SORCS2: variants seen among roughly 807,000 people sequenced by gnomAD.
The protein encoded by SORCS2 is VPS10 domain-containing receptor SorCS2.
In SORCS2, 100 loss-of-function variants were observed where a neutral mutation model predicts 141.6. The ratio of observed to expected loss-of-function variants is 0.71; its 90% CI spans 0.60 to 0.83. The LOEUF is 0.83. Among genes scored for constraint, SORCS2 ranks in the 40% least tolerant of loss-of-function variants. SORCS2 has a pLI of 0.00. For missense variants in SORCS2, 1,646 were observed against 1,560.2 expected (o/e 1.05, Z -0.93); for synonymous variants, 789 against 676.9 (o/e 1.17, Z -2.57).
chr4:7,699,287 C>G (rs982037198), intron 12 of SORCS2, among the ~76,000 whole-genome samples: 1 of 152,128 alleles, frequency 6.6e-6, no homozygotes, highest in African/African-American at 2.4e-5. Flanking sequence ...GTTTGGAAAA[C>G]CCTGGAGCCA....
At chr4:7,276,971 T>C (rs28454024) in intron 1 of SORCS2, among the ~76,000 whole-genome samples, 51,460 of 152,064 alleles carry the variant, frequency 0.34, 9,306 homozygotes, top group Non-Finnish European at 0.4. Flanking sequence ...TGGGCCGTTC[T>C]GTCCACACTA....
At chr4:7,239,049 A>C (rs7660256) in intron 1 of SORCS2, among the ~76,000 whole-genome samples, 28,640 of 152,064 alleles carry the variant, frequency 0.19, 3,543 homozygotes, top group African/African-American at 0.35. Flanking sequence ...ACAGCACTGG[A>C]CTCAGCAGGA....
At chr4:7,531,168 C>G (rs1366267951) in intron 2 of SORCS2, among the ~76,000 whole-genome samples, 1 of 152,204 alleles carries the variant, frequency 6.6e-6, no homozygotes, top group South Asian at 2.1e-4. Context: ...GTGAACTATC[C>G]CTTTGGAGGC....
At chr4:7,727,534 G>A (rs1577128410) in intron 21 of SORCS2, among the ~76,000 whole-genome samples, 1 of 152,142 alleles carries the variant, frequency 6.6e-6, no homozygotes, top group East Asian at 1.9e-4. Flanking sequence ...GCAGCCATCA[G>A]TTAAATATTT....
chr4:7,599,567 T>C (rs948088531), intron 3 of SORCS2, among the ~76,000 whole-genome samples: 1 of 152,180 alleles, frequency 6.6e-6, no homozygotes, highest in Non-Finnish European at 1.5e-5. Flanking sequence ...CCTTGGCTGC[T>C]GTTGACGTCT....
chr4:7,725,874 A>G (rs1225624451), intron 20 of SORCS2, among the ~76,000 whole-genome samples: 2 of 152,188 alleles, frequency 1.3e-5, no homozygotes, highest in Non-Finnish European at 2.9e-5. Flanking sequence ...CGGCCCTGAC[A>G]CAGAGCCCCA....
intron 1 of SORCS2, among the ~76,000 whole-genome samples, chr4:7,260,305 G>T (rs1313952054): frequency 6.6e-6 from 1 of 152,078 alleles, no homozygotes; most frequent in African/African-American, 2.4e-5. Flanking sequence ...TGCTGTGTGG[G>T]TTTATCATAG....
intron 18 of SORCS2, among the ~76,000 whole-genome samples, chr4:7,719,308 C>G (rs1253151928): frequency 6.6e-6 from 1 of 152,240 alleles, no homozygotes; most frequent in Admixed American, 6.5e-5. Context: ...GCAGTGCTTG[C>G]CCAGCGCCTC....
At chr4:7,554,539 A>G (rs1386735700) in intron 3 of SORCS2, among the ~76,000 whole-genome samples, 3 of 151,814 alleles carry the variant, frequency 2.0e-5, no homozygotes, top group Non-Finnish European at 2.9e-5. Flanking sequence ...CACCATTAGG[A>G]TATTAAGTCC....
At chr4:7,435,042 G>C in intron 2 of SORCS2, 1 of 828,726 alleles carries the variant, frequency 1.2e-6, no homozygotes, top group Non-Finnish European at 1.9e-6. Context: ...TGGCCTCTTC[G>C]CCTTTGCTCT....
chr4:7,471,869 G>A (rs1353562115), intron 2 of SORCS2, among the ~76,000 whole-genome samples: 1 of 152,232 alleles, frequency 6.6e-6, no homozygotes, highest in Non-Finnish European at 1.5e-5. Flanking sequence ...AGGCTTTGCT[G>A]GAGTCTCCAC....
intron 2 of SORCS2, chr4:7,433,646 T>C: frequency 6.2e-7 from 1 of 1,610,458 alleles, no homozygotes; most frequent in Non-Finnish European, 8.5e-7. Flanking sequence ...GTGCTCTTGC[T>C]CTCCAAGTTG....
rs146185769 is a variant in SORCS2, at chr4:7,633,818, A to G, written c.649-4510A>G. Among the ~76,000 whole-genome samples the G allele has an allele frequency of 6.7e-3, 834 of 124,384 alleles. 141 individuals carry two copies. Among genetic ancestry groups the G allele is most frequent in the African/African-American group, 0.017 (670 of 39,694 alleles). The allele number at this position is 124,384 out of a possible 152,430, so 81.6% of individuals were successfully genotyped here. On this transcript the variant is annotated intron_variant, in intron 3 of 26. Transcript: ENST00000507866. ...TGTCCGTCAGGCGGGATTAACGGCC[A>G]GCTCCGTGTCCTGTTTTGCTCGAGG...
At chr4:7,568,935 C>A in intron 3 of SORCS2, among the ~76,000 whole-genome samples, 1 of 152,166 alleles carries the variant, frequency 6.6e-6, no homozygotes, top group East Asian at 1.9e-4. Flanking sequence ...GGTATGGGAA[C>A]AGCTCCCCAA....
intron 9 of SORCS2, among the ~76,000 whole-genome samples, chr4:7,677,594 T>C (rs1238181136): frequency 2.7e-5 from 4 of 149,854 alleles, no homozygotes; most frequent in Admixed American, 2.7e-4. Context: ...GCTGGGAGAG[T>C]GTCCCGTGGG....
At chr4:7,194,282 T>G (rs1450160533) in intron 1 of SORCS2, among the ~76,000 whole-genome samples, 2 of 151,860 alleles carry the variant, frequency 1.3e-5, no homozygotes, top group Non-Finnish European at 2.9e-5. Flanking sequence ...GTGGCATGGG[T>G]GGGGAGCACT....
chr4:7,494,531 G>A (rs4689758), intron 2 of SORCS2, among the ~76,000 whole-genome samples: 143,742 of 151,948 alleles, frequency 0.95, 68,440 homozygotes, highest in East Asian at 1. Context: ...GAGAGAGAAA[G>A]CTCTCTGGTG....
At chr4:7,614,203 T>C (rs544953942) in intron 3 of SORCS2, among the ~76,000 whole-genome samples, 2 of 145,570 alleles carry the variant, frequency 1.4e-5, no homozygotes, top group East Asian at 2.0e-4. Flanking sequence ...CATCCACCTA[T>C]TCATCCACCT....
At chr4:7,601,707 G>A (rs567839279) in intron 3 of SORCS2, among the ~76,000 whole-genome samples, 10 of 150,216 alleles carry the variant, frequency 6.7e-5, no homozygotes, top group African/African-American at 2.5e-4. Context: ...ATTCTTGGGT[G>A]TTTCTCGGAG....
Sources: allele counts gnomAD v4.1 joint callset (sites outside exome capture counted in the v4.1 genomes callset), GRCh38; gene constraint gnomAD v4.1.1; transcripts MANE v1.5; gene names NCBI Gene and HGNC (gene_info 2026-07-23, HGNC 2026-07-21).